The following CACNA2D1 variants were observed in gnomAD, a reference collection of about 807,000 sequenced individuals.
CACNA2D1 encodes voltage-dependent calcium channel subunit alpha-2/delta-1.
Under a neutral mutation model 171.5 loss-of-function variants are expected in CACNA2D1, and 53 were observed. The observed-to-expected ratio is 0.31, with a 90% CI of 0.25 to 0.39. The LOEUF (loss-of-function observed/expected upper bound fraction) is 0.39, where lower values mean the gene tolerates loss of function less well. Among genes scored for constraint, CACNA2D1 ranks in the 10% least tolerant of loss-of-function variants. CACNA2D1 has a pLI of 1.00. For missense variants in CACNA2D1, 903 were observed against 1,299.8 expected, an observed-to-expected ratio of 0.69 and a Z score of 4.69; for synonymous variants, 442 against 443.1, an observed-to-expected ratio of 1.00 and a Z score of 0.03.
chr7:82,144,004 C>A (rs1199959557), intron 4 of CACNA2D1, among the ~76,000 whole-genome samples: 2 of 152,078 alleles, frequency 1.3e-5, no homozygotes, highest in Non-Finnish European at 2.9e-5. Flanking sequence ...ATCACATCAC[C>A]CCACTTATCT....
intron 1 of CACNA2D1, among the ~76,000 whole-genome samples, chr7:82,425,951 A>T (rs1829135458): frequency 6.6e-6 from 1 of 151,062 alleles, no homozygotes; most frequent in African/African-American, 2.4e-5. Context: ...CAAGATGGCG[A>T]AACCCCGTCT....
intron 6 of CACNA2D1, among the ~76,000 whole-genome samples, chr7:82,094,678 A>C (rs2129024999): frequency 1.0e-5 from 1 of 97,620 alleles, no homozygotes; most frequent in Middle Eastern, 6.8e-3. Flanking sequence ...ATCCCACAAA[A>C]CCTTAGATTT....
chr7:81,950,569 T>C, intron 38 of CACNA2D1, 61 bp from the exon 39 acceptor site: 1 of 1,541,310 alleles, frequency 6.5e-7, no homozygotes, highest in Non-Finnish European at 8.7e-7. Context: ...TTGAAAAATA[T>C]TTAGTAACAC....
intron 3 of CACNA2D1, among the ~76,000 whole-genome samples, chr7:82,181,007 G>A (rs1301351135): frequency 7.8e-6 from 1 of 127,544 alleles, no homozygotes; most frequent in Non-Finnish European, 1.6e-5. Flanking sequence ...TGGCCATTAG[G>A]TTTATCATGG....
At chr7:82,221,757 A>G (rs558051380) in intron 3 of CACNA2D1, among the ~76,000 whole-genome samples, 13 of 146,634 alleles carry the variant, frequency 8.9e-5, no homozygotes, top group African/African-American at 3.3e-4. Context: ...GAAGAAAAAA[A>G]ATCAGTTCAC....
chr7:82,131,617 CAGTT>C (rs1457812323), intron 5 of CACNA2D1, among the ~76,000 whole-genome samples: 6 of 152,154 alleles, frequency 3.9e-5, no homozygotes, highest in Non-Finnish European at 8.8e-5. Flanking sequence ...GTTATCCCAG[CAGTT>C]AGTATGCCAA....
intron 3 of CACNA2D1, among the ~76,000 whole-genome samples, chr7:82,183,901 A>G (rs906517343): frequency 2.0e-5 from 3 of 152,010 alleles, no homozygotes; most frequent in African/African-American, 7.2e-5. Flanking sequence ...CCCACCACCC[A>G]CACTCTGACT....
At chr7:82,251,019 A>C (rs1198342394) in intron 3 of CACNA2D1, among the ~76,000 whole-genome samples, 1 of 152,204 alleles carries the variant, frequency 6.6e-6, no homozygotes, top group African/African-American at 2.4e-5. Context: ...AAAAACTATA[A>C]GAAGCAGTCA....
intron 10 of CACNA2D1, chr7:82,050,521 C>T: frequency 1.4e-6 from 1 of 700,132 alleles, no homozygotes; most frequent in Non-Finnish European, 2.6e-6. Context: ...TGATCTTATA[C>T]AGGGGCTTCT....
rs1802919294 is a variant in CACNA2D1 at position 82,033,152 on chromosome 7, A to G, written c.1039-251T>C. 6 of 355,378 alleles carry G rather than the reference A, an allele frequency of 1.7e-5. No homozygotes were observed. The South Asian group carries it at 2.9e-4, about 17-fold the overall frequency. 22.0% of individuals were successfully genotyped at this position (355,378 alleles called of 1,614,324 possible). A position where few individuals can be genotyped will look rare whatever the true frequency, so the allele number is the denominator to read the frequency against. On this transcript the variant is annotated intron_variant, in intron 11 of 38. Coordinates refer to ENST00000356860, the MANE Select transcript of CACNA2D1 (RefSeq NM_000722.4). The stretch of plus-strand genomic sequence containing the variant: ...TTTGATCATACGCCACTTTATCATG[A>G]GGTGATTACTCACAACTATGTTTTA...
chr7:82,310,067 G>C (rs1264902495), intron 3 of CACNA2D1, among the ~76,000 whole-genome samples: 4 of 151,672 alleles, frequency 2.6e-5, no homozygotes, highest in Non-Finnish European at 5.9e-5. Context: ...TTTTTATATG[G>C]TATAGAAAAG....
At chr7:82,001,353 C>T (rs1009157127) in intron 18 of CACNA2D1, among the ~76,000 whole-genome samples, 3 of 152,128 alleles carry the variant, frequency 2.0e-5, no homozygotes, top group Admixed American at 2.0e-4. Context: ...ATGAATTTGA[C>T]ATTAATTTTA....
chr7:81,964,026 A>G, intron 34 of CACNA2D1, 30 bp downstream of exon 34: 2 of 1,588,232 alleles, frequency 1.3e-6, no homozygotes, highest in Non-Finnish European at 1.7e-6. Flanking sequence ...TCTTTCTTTC[A>G]TTACCAATAA....
chr7:82,179,744 G>C (rs115035283), intron 3 of CACNA2D1, among the ~76,000 whole-genome samples: 214 of 152,150 alleles, frequency 1.4e-3, no homozygotes, highest in African/African-American at 5.0e-3. Flanking sequence ...ACTATAAAAT[G>C]AGAATTTTAG....
intron 3 of CACNA2D1, among the ~76,000 whole-genome samples, chr7:82,256,034 TG>T (rs1433573971): frequency 6.6e-6 from 1 of 152,148 alleles, no homozygotes; most frequent in African/African-American, 2.4e-5. Context: ...CCCAGCATTT[TG>T]AGAGGCCAAG....
chr7:82,070,577 G>C (rs1480795287), intron 7 of CACNA2D1, among the ~76,000 whole-genome samples: 2 of 152,152 alleles, frequency 1.3e-5, no homozygotes, highest in Non-Finnish European at 2.9e-5. Flanking sequence ...TGGGCTTGCA[G>C]CTGCTAGATG....
At chr7:82,382,523 G>A (rs6955149) in intron 1 of CACNA2D1, among the ~76,000 whole-genome samples, 49,360 of 152,086 alleles carry the variant, frequency 0.32, 10,263 homozygotes, top group African/African-American at 0.59. Flanking sequence ...AAACAGAGGC[G>A]TGCTGGCCCA....
chr7:82,190,225 G>T (rs1259627289), intron 3 of CACNA2D1, among the ~76,000 whole-genome samples: 1 of 151,670 alleles, frequency 6.6e-6, no homozygotes, highest in African/African-American at 2.4e-5. Flanking sequence ...CATCTCAACA[G>T]CAAGACTGCA....
chr7:82,231,551 A>G (rs932520913), intron 3 of CACNA2D1, among the ~76,000 whole-genome samples: 1 of 152,150 alleles, frequency 6.6e-6, no homozygotes, highest in Non-Finnish European at 1.5e-5. Flanking sequence ...AGCTACCTCA[A>G]TTTTGTAGAT....
Sources: allele counts gnomAD v4.1 joint callset (sites outside exome capture counted in the v4.1 genomes callset), GRCh38; gene constraint gnomAD v4.1.1; transcripts MANE v1.5; gene names NCBI Gene and HGNC (gene_info 2026-07-23, HGNC 2026-07-21).